The following RELN variants were observed in gnomAD, a reference collection of about 807,000 sequenced individuals.
RELN encodes reelin.
In RELN, 108 loss-of-function variants were observed where a neutral mutation model predicts 427.6. The observed-to-expected ratio is 0.25, with a 90% CI of 0.22 to 0.30. RELN has a LOEUF of 0.30. Among genes scored for constraint, RELN ranks in the 10% least tolerant of loss-of-function variants. The probability of loss-of-function intolerance (pLI) is 1.00; values close to 1 mark genes in which losing one functional copy is unlikely to be tolerated. For missense variants in RELN, 3,715 were observed against 4,302.8 expected (o/e 0.86, Z 3.82); for synonymous variants, 1,524 against 1,513.4 (o/e 1.01, Z -0.16).
At chr7:103,723,236 G>T in intron 7 of RELN, 45 bp from the exon 8 acceptor site, 2 of 1,147,812 alleles carry the variant, frequency 1.7e-6, no homozygotes, top group South Asian at 1.2e-5. Flanking sequence ...ACAGAGAGGA[G>T]AAAGAGGAGA....
intron 62 of RELN, among the ~76,000 whole-genome samples, 191 bp downstream of exon 62, chr7:103,483,462 G>T (rs1828312815): frequency 6.6e-6 from 1 of 152,170 alleles, no homozygotes; most frequent in Non-Finnish European, 1.5e-5. Flanking sequence ...GCTTTAATTT[G>T]TGCCTTTCTT....
chr7:103,883,474 GA>G (rs1794653478), intron 2 of RELN, among the ~76,000 whole-genome samples: 1 of 152,184 alleles, frequency 6.6e-6, no homozygotes, highest in Non-Finnish European at 1.5e-5. Flanking sequence ...GTTCGAATAG[GA>G]AAAGAGGAAG....
At chr7:103,848,464 G>T (rs991449526) in intron 2 of RELN, among the ~76,000 whole-genome samples, 9 of 152,108 alleles carry the variant, frequency 5.9e-5, no homozygotes, top group African/African-American at 1.9e-4. Flanking sequence ...CCCACCATGG[G>T]ACAGGTCCAA....
At chr7:103,818,323 C>A (rs1156716429) in intron 3 of RELN, among the ~76,000 whole-genome samples, 5 of 152,064 alleles carry the variant, frequency 3.3e-5, no homozygotes, top group African/African-American at 1.2e-4. Flanking sequence ...TTATTGAAAT[C>A]CAACAATGAA....
chr7:103,866,362 C>T (rs1794197162), intron 2 of RELN, among the ~76,000 whole-genome samples: 1 of 152,056 alleles, frequency 6.6e-6, no homozygotes, highest in African/African-American at 2.4e-5. Context: ...CCAAACCAAG[C>T]TAAGGTGCAG....
At chr7:103,701,210 G>A (rs143760100) in intron 8 of RELN, among the ~76,000 whole-genome samples, 1 of 152,132 alleles carries the variant, frequency 6.6e-6, no homozygotes, top group African/African-American at 2.4e-5. Flanking sequence ...AGAAAAAAAG[G>A]TAAAAGAAAT....
chr7:103,542,770 C>T lies in RELN; in HGVS notation c.6632G>A (p.Arg2211His), dbSNP rs374088118. Residue 2211 changes from arginine to histidine, a missense_variant, in exon 43 of 65, where the codon CGC becomes CAC. This residue lies in a region of RELN where 1,310 missense variants were observed against 1,643.0 expected (regional missense o/e 0.80). Coordinates refer to ENST00000428762, the MANE Select transcript of RELN (RefSeq NM_005045.4). ...NNLFFNEDGL[R>H]MLMTRDLDLS... ...ATCCAGGTCTCGTGTCATCAACATG[C>T]GCAAGCCATCTTCATTGAAAAAGAG... The T allele has an allele frequency of 4.1e-5, 66 of 1,613,864 alleles. No individual in the cohort carries two copies. The highest frequency in any genetic ancestry group is 5.3e-5 in the African/African-American group (4 of 74,880).
intron 2 of RELN, among the ~76,000 whole-genome samples, chr7:103,854,310 T>C (rs1233545327): frequency 6.6e-6 from 1 of 152,164 alleles, no homozygotes; most frequent in African/African-American, 2.4e-5. Flanking sequence ...AAAGACTGAG[T>C]TGATGTTTAT....
In RELN at chr7:103,472,630, T is replaced by A. The variant is rs1827892400; in HGVS notation, c.*182A>T. The A allele has an allele frequency of 1.7e-6, 1 of 600,382 alleles. No individual in the cohort carries two copies. The allele number at this position is 600,382 out of a possible 1,614,324, so 37.2% of individuals were successfully genotyped here. A position where few individuals can be genotyped will look rare whatever the true frequency, so the allele number is the denominator to read the frequency against. On this transcript the variant is annotated 3_prime_UTR_variant, in exon 65 of 65. Transcript: ENST00000428762. The stretch of plus-strand genomic sequence containing the variant: ...ATGAAGACATTTACTTATGAGCAAA[T>A]AAGTCACTTGTCATTAGTTCACAGT...
intron 41 of RELN, among the ~76,000 whole-genome samples, chr7:103,546,584 T>C (rs1051995473): frequency 7.9e-5 from 12 of 152,238 alleles, no homozygotes; most frequent in African/African-American, 2.2e-4. Flanking sequence ...TTCTCTTCCA[T>C]AATTTTGATG....
intron 6 of RELN, among the ~76,000 whole-genome samples, chr7:103,739,528 G>A (rs1790585645): frequency 6.6e-6 from 1 of 152,150 alleles, no homozygotes; most frequent in Non-Finnish European, 1.5e-5. Context: ...ACCCTCTTGG[G>A]TTCAATGGCA....
intron 2 of RELN, among the ~76,000 whole-genome samples, chr7:103,851,798 T>C (rs1404274288): frequency 6.6e-6 from 1 of 152,224 alleles, no homozygotes; most frequent in Non-Finnish European, 1.5e-5. Context: ...CTCCTACACA[T>C]TATCCAGCTC....
intron 32 of RELN, 54 bp downstream of exon 32, chr7:103,566,547 T>C: frequency 6.2e-7 from 1 of 1,608,646 alleles, no homozygotes; most frequent in Non-Finnish European, 8.5e-7. Flanking sequence ...AAGGTGGGTA[T>C]GGATACTTCA....
rs540639291 is a variant in RELN at position 103,741,318 on chromosome 7, T to C, written c.656+8108A>G. ...TTCGAGACATCTAACACCTTATTTT[T>C]CCCTCCTTTATGATGTTGCTGTAAT... On this transcript the variant is annotated intron_variant, in intron 6 of 64. Coordinates refer to ENST00000428762, the MANE Select transcript of RELN (RefSeq NM_005045.4). Among the ~76,000 whole-genome samples, 8 of 152,240 alleles carry C rather than the reference T, an allele frequency of 5.3e-5. 2 individuals carry two copies. The highest frequency in any genetic ancestry group is 1.4e-4 in the African/African-American group (6 of 41,540).
intron 4 of RELN, among the ~76,000 whole-genome samples, chr7:103,761,750 C>G (rs1354036915): frequency 6.6e-6 from 1 of 152,182 alleles, no homozygotes; most frequent in African/African-American, 2.4e-5. Context: ...GCCACCATGC[C>G]TGGCCAAATT....
intron 16 of RELN, among the ~76,000 whole-genome samples, chr7:103,645,459 CA>C (rs2117374228): frequency 6.6e-6 from 1 of 151,316 alleles, no homozygotes; most frequent in African/African-American, 2.4e-5. Flanking sequence ...AAACAGAAAC[CA>C]AAAATGAACA....
At chr7:103,487,401 GAAAA>G (rs769886377) in intron 60 of RELN, among the ~76,000 whole-genome samples, 2 of 71,244 alleles carry the variant, frequency 2.8e-5, no homozygotes, top group South Asian at 7.4e-4. Flanking sequence ...ACTTAAAGTA[GAAAA>G]AAAAAAAGAG....
intron 1 of RELN, among the ~76,000 whole-genome samples, chr7:103,920,401 T>C (rs1795586739): frequency 6.6e-6 from 1 of 152,132 alleles, no homozygotes; most frequent in East Asian, 1.9e-4. Context: ...AAGCAAATCC[T>C]TCATGCCCTT....
At chr7:103,594,170 A>T in intron 26 of RELN, 151 bp downstream of exon 26, 1 of 830,240 alleles carries the variant, frequency 1.2e-6, no homozygotes, top group East Asian at 2.4e-5. Context: ...GTGAAGTGGT[A>T]GCATAGAGAG....
Sources: allele counts gnomAD v4.1 joint callset (sites outside exome capture counted in the v4.1 genomes callset), GRCh38; gene constraint gnomAD v4.1.1; regional missense constraint gnomAD v4.1.1; transcripts MANE v1.5; gene names NCBI Gene and HGNC (gene_info 2026-07-23, HGNC 2026-07-21).